The following ARAP1 variants were observed in gnomAD, a reference collection of about 807,000 sequenced individuals.
ARAP1 encodes arf-GAP with Rho-GAP domain, ANK repeat and PH domain-containing protein 1.
In ARAP1, 76 loss-of-function variants were observed where a neutral mutation model predicts 172.2. The observed-to-expected ratio is 0.44, with a 90% CI of 0.37 to 0.53. ARAP1 has a LOEUF of 0.53. Ranked by LOEUF, ARAP1 falls within the 20% of genes least tolerant of loss-of-function variation. The pLI is 0.00. For missense variants in ARAP1, 1,686 were observed against 1,977.5 expected, an observed-to-expected ratio of 0.85 and a Z score of 2.80; for synonymous variants, 804 against 803.3, an observed-to-expected ratio of 1.00 and a Z score of -0.01.
At chr11:72,707,405 G>A (rs1856820110) in intron 11 of ARAP1, 31 bp from the exon 12 acceptor site, 1 of 1,587,078 alleles carries the variant, frequency 6.3e-7, no homozygotes, top group Non-Finnish European at 8.6e-7. Context: ...AGATTAGTGG[G>A]GATGGACTCA....
chr11:72,728,496 G>A (rs1048479588), intron 2 of ARAP1, among the ~76,000 whole-genome samples: 1 of 152,122 alleles, frequency 6.6e-6, no homozygotes, highest in Admixed American at 6.6e-5. Flanking sequence ...CAGGAGAATT[G>A]CTTGAACCCA....
In ARAP1 at chr11:72,710,239, T is replaced by A; in HGVS notation, c.1416+146A>T. On this transcript the variant is annotated intron_variant, in intron 10 of 34. Coordinates refer to ENST00000393609, the MANE Select transcript of ARAP1 (RefSeq NM_001040118.3). The surrounding 1 kb of genome is among the most constrained non-coding windows in gnomAD (Gnocchi z 4.3). ...AGAGCCTGGGGGAAGTGGTCAGAACTTGGGGGAGCGAGGACATATCCAGGC... is the reference window on the plus strand; with the variant it reads ...AGAGCCTGGGGGAAGTGGTCAGAACATGGGGGAGCGAGGACATATCCAGGC... The A allele has an allele frequency of 9.5e-7, 1 of 1,051,138 alleles. No homozygotes were observed. The highest frequency in any genetic ancestry group is 1.4e-6 in the Non-Finnish European group (1 of 703,442). The allele number at this position is 1,051,138 out of a possible 1,614,324, so 65.1% of individuals were successfully genotyped here.
intron 2 of ARAP1, among the ~76,000 whole-genome samples, chr11:72,731,993 A>C (rs1857880636): frequency 6.6e-6 from 1 of 152,196 alleles, no homozygotes; most frequent in Non-Finnish European, 1.5e-5. Flanking sequence ...AGAAAAAGAA[A>C]AAAATATACA....
chr11:72,688,400 G>T, intron 31 of ARAP1, 55 bp downstream of exon 31: 3 of 1,526,588 alleles, frequency 2.0e-6, no homozygotes, highest in Non-Finnish European at 2.7e-6. Context: ...TCCCCCATCA[G>T]TTCTGAGCCC....
intron 2 of ARAP1, among the ~76,000 whole-genome samples, chr11:72,730,522 T>C (rs1857833588): frequency 6.6e-6 from 1 of 152,036 alleles, no homozygotes; most frequent in African/African-American, 2.4e-5. Flanking sequence ...CATGGTAAAA[T>C]CCCGTCTCTA....
chr11:72,715,568 TTC>T (rs1444447852), intron 3 of ARAP1, among the ~76,000 whole-genome samples: 1 of 125,522 alleles, frequency 8.0e-6, no homozygotes, highest in Non-Finnish European at 1.7e-5. Flanking sequence ...GTTTTTTAAC[TTC>T]TTTTTTTTTT....
At chr11:72,718,779 G>A (rs1857392625) in intron 3 of ARAP1, among the ~76,000 whole-genome samples, 1 of 152,168 alleles carries the variant, frequency 6.6e-6, no homozygotes, top group South Asian at 2.1e-4. Context: ...TGGGGGTTAG[G>A]TGACATGGTG....
chr11:72,723,533 T>G (rs1158873622), intron 3 of ARAP1, among the ~76,000 whole-genome samples: 1 of 152,140 alleles, frequency 6.6e-6, no homozygotes, highest in Admixed American at 6.5e-5. Flanking sequence ...CCCACCTGTC[T>G]CCTCTGAAGA....
chr11:72,709,984 G>A lies in ARAP1; in HGVS notation c.1417-8C>T. 1 of 1,610,724 alleles carries A rather than the reference G, an allele frequency of 6.2e-7. No individual in the cohort carries two copies. The highest frequency in any genetic ancestry group is 8.5e-7 in the Non-Finnish European group (1 of 1,177,062). On this transcript the variant is annotated splice_polypyrimidine_tract_variant and splice_region_variant and intron_variant, in intron 10 of 34. Transcript: ENST00000393609. ...AATGCCCAGGTGGTACTCCTGGAGG[G>A]CAGATGGGACGGGATGAGGGCAAGG...
intron 1 of ARAP1, among the ~76,000 whole-genome samples, 168 bp from the exon 2 acceptor site, chr11:72,732,765 G>T (rs891007075): frequency 1.3e-5 from 2 of 152,132 alleles, no homozygotes; most frequent in Non-Finnish European, 2.9e-5. Flanking sequence ...AGGTGGATTC[G>T]AGTCCAGGAG....
chr11:72,719,890 C>T (rs11600790), intron 3 of ARAP1, among the ~76,000 whole-genome samples: 10,864 of 152,238 alleles, frequency 0.071, 527 homozygotes, highest in Non-Finnish European at 0.11. Context: ...GCCTGGCCAA[C>T]TCCTAGTCCT....
At chr11:72,738,094 C>T (rs983904761) in intron 1 of ARAP1, among the ~76,000 whole-genome samples, 20 of 152,292 alleles carry the variant, frequency 1.3e-4, no homozygotes, top group African/African-American at 2.6e-4. Flanking sequence ...GAAGGAACCC[C>T]TGACTTGGGC....
chr11:72,711,222 C>T (rs969849346), intron 8 of ARAP1, 81 bp from the exon 9 acceptor site: 1 of 1,576,504 alleles, frequency 6.3e-7, no homozygotes, highest in South Asian at 1.1e-5. Flanking sequence ...AAGTCTGCAG[C>T]CCTGTCTCCT....
intron 1 of ARAP1, among the ~76,000 whole-genome samples, chr11:72,745,349 C>T (rs1285991639): frequency 9.0e-5 from 13 of 144,598 alleles, no homozygotes; most frequent in South Asian, 2.3e-4. Context: ...CCACCACGTC[C>T]GGCTAATTTT....
intron 27 of ARAP1, among the ~76,000 whole-genome samples, chr11:72,694,656 G>A (rs1232407747): frequency 6.6e-6 from 1 of 152,056 alleles, no homozygotes; most frequent in Non-Finnish European, 1.5e-5. Flanking sequence ...CCCAGTGCCT[G>A]GCACTCAACA....
chr11:72,735,404 A>G (rs983931131), intron 1 of ARAP1, among the ~76,000 whole-genome samples: 1 of 151,398 alleles, frequency 6.6e-6, no homozygotes. Flanking sequence ...TGAGGTCAGG[A>G]GTTCGAGACC....
intron 1 of ARAP1, among the ~76,000 whole-genome samples, chr11:72,734,431 A>G (rs55957377): frequency 0.14 from 21,970 of 152,208 alleles, 2,062 homozygotes; most frequent in African/African-American, 0.26. Context: ...CCAAAAGTCA[A>G]TACTTAAAAA....
chr11:72,695,117 G>A lies in ARAP1; in HGVS notation c.3577-20C>T. 1 of 1,610,872 alleles carries A rather than the reference G, an allele frequency of 6.2e-7. No individual in the cohort carries two copies. The highest frequency in any genetic ancestry group is 8.5e-7 in the Non-Finnish European group (1 of 1,177,714). On this transcript the variant is annotated intron_variant, in intron 26 of 34. Transcript: ENST00000393609. This position sits in a 1 kb window ranked among gnomAD's most constrained non-coding sequence, Gnocchi z 4.4. ...TGGGACCTGCAAGGACCAAGGAGGAGATTAGCCTGCCTGTGCCTAGCCCCT... is the reference window on the plus strand; with the variant it reads ...TGGGACCTGCAAGGACCAAGGAGGAAATTAGCCTGCCTGTGCCTAGCCCCT...
chr11:72,698,974 C>T lies in ARAP1; in HGVS notation c.2541+31G>A, dbSNP rs1186384496. The T allele has an allele frequency of 2.5e-6, 4 of 1,610,890 alleles. No individual in the cohort carries two copies. The African/African-American group carries it at 5.3e-5, about 22-fold the overall frequency. ...GGCCCCACCTTCCCCAGTCAGACACCCTTACACCCACCCTGCTACCCCAGG... is the reference window on the plus strand; with the variant it reads ...GGCCCCACCTTCCCCAGTCAGACACTCTTACACCCACCCTGCTACCCCAGG... On this transcript the variant is annotated intron_variant, in intron 18 of 34. Coordinates refer to ENST00000393609, the MANE Select transcript of ARAP1 (RefSeq NM_001040118.3).
Sources: allele counts gnomAD v4.1 joint callset (sites outside exome capture counted in the v4.1 genomes callset), GRCh38; gene constraint gnomAD v4.1.1; non-coding constraint Gnocchi (gnomAD v3.1); transcripts MANE v1.5; gene names NCBI Gene and HGNC (gene_info 2026-07-23, HGNC 2026-07-21).